Variants in PCLO observed in about 807,000 individuals in gnomAD.
PCLO encodes piccolo presynaptic cytomatrix protein.
A neutral mutation model predicts 427.5 loss-of-function variants in PCLO; 82 were observed. The observed-to-expected ratio is 0.19, with a 90% confidence interval of 0.16 to 0.23. PCLO has a LOEUF of 0.23. Among genes scored for constraint, PCLO ranks in the 10% least tolerant of loss-of-function variants. The pLI is 1.00. For missense variants in PCLO, 6,239 were observed against 6,115.9 expected (o/e 1.02, Z -0.67); for synonymous variants, 2,357 against 2,155.4 (o/e 1.09, Z -2.59).
At chr7:83,118,403 G>T (rs1348798171) in intron 3 of PCLO, among the ~76,000 whole-genome samples, 1 of 152,052 alleles carries the variant, frequency 6.6e-6, no homozygotes, top group African/African-American at 2.4e-5. Flanking sequence ...AGCAATAATA[G>T]TACCTGATTT....
chr7:83,112,787 A>G (rs551890646), intron 3 of PCLO, among the ~76,000 whole-genome samples: 1 of 152,354 alleles, frequency 6.6e-6, no homozygotes, highest in Admixed American at 6.5e-5. Context: ...AATTAGAAGC[A>G]GTGTTGACAT....
At position 83,105,290 on chromosome 7, in the gene PCLO, C is replaced by T. The variant is rs542766635; in HGVS notation, c.3300+28960G>A. ...CTGCACATTCTCAAATCAGAATATCCTCCATTTTCATGGCATTAGCCACAT... is the reference window on the plus strand; with the variant it reads ...CTGCACATTCTCAAATCAGAATATCTTCCATTTTCATGGCATTAGCCACAT... On this transcript the variant is annotated intron_variant, in intron 3 of 24. Transcript: ENST00000333891. Among the ~76,000 whole-genome samples, 9 of 152,286 alleles carry T rather than the reference C, an allele frequency of 5.9e-5. No individual in the cohort carries two copies. The South Asian group carries it at 1.7e-3, about 28-fold the overall frequency.
chr7:83,088,682 C>T (rs1343564504), intron 3 of PCLO, among the ~76,000 whole-genome samples: 1 of 152,078 alleles, frequency 6.6e-6, no homozygotes, highest in African/African-American at 2.4e-5. Context: ...TCTCTCTTAC[C>T]AGCAGTCTTT....
intron 22 of PCLO, among the ~76,000 whole-genome samples, chr7:82,775,530 A>G (rs1790731550): frequency 1.3e-5 from 2 of 152,240 alleles, no homozygotes; most frequent in South Asian, 4.1e-4. Context: ...CCATCTATAC[A>G]TTTTTGGTAA....
chr7:82,888,598 AAAC>A (rs1216087871), intron 9 of PCLO, among the ~76,000 whole-genome samples: 2 of 152,132 alleles, frequency 1.3e-5, no homozygotes, highest in Non-Finnish European at 2.9e-5. Context: ...GAAGCAAACA[AAAC>A]AAATCTTTTT....
intron 21 of PCLO, among the ~76,000 whole-genome samples, chr7:82,803,139 A>T (rs1791391762): frequency 6.6e-6 from 1 of 151,994 alleles, no homozygotes; most frequent in Non-Finnish European, 1.5e-5. Context: ...ACAAGTAGTT[A>T]AGAAAAAAAA....
At chr7:82,838,655 A>G (rs945761440) in intron 14 of PCLO, among the ~76,000 whole-genome samples, 2 of 151,958 alleles carry the variant, frequency 1.3e-5, no homozygotes, top group Non-Finnish European at 2.9e-5. Flanking sequence ...ACTCTTAGGA[A>G]AATAGTAAAT....
At chr7:82,794,392 T>A (rs574317199) in intron 22 of PCLO, among the ~76,000 whole-genome samples, 1 of 151,056 alleles carries the variant, frequency 6.6e-6, no homozygotes, top group Admixed American at 6.6e-5. Flanking sequence ...GTTTTTTTGT[T>A]GTTATTGCTA....
intron 3 of PCLO, among the ~76,000 whole-genome samples, chr7:83,097,935 T>G (rs1790637367): frequency 6.6e-6 from 1 of 152,168 alleles, no homozygotes; most frequent in Non-Finnish European, 1.5e-5. Flanking sequence ...TTTATGATTA[T>G]ATTTTTCATT....
Position 82,955,140 on chromosome 7 carries a change from T to C in PCLO, c.5813A>G (p.Asp1938Gly). Reference protein sequence around the residue: ...YKAFPAANERDEVFEKEPLYG... With the variant: ...YKAFPAANERGEVFEKEPLYG... The stretch of plus-strand genomic sequence containing the variant: ...CAAAGGCTCTTTTTCAAACACTTCA[T>C]CTCGTTCATTTGCAGCTGGAAAAGC... The change falls in exon 5 of 25, where the codon GAT (aspartate) becomes GGT (glycine). Residue 1938 changes from aspartate (D) to glycine (G), a missense_variant. Around this residue, in one of 5 missense-constraint regions of PCLO, gnomAD observed 4,677 missense variants for 4,468.4 expected, o/e 1.05. Transcript: ENST00000333891. 6 of 1,613,798 alleles carry C rather than the reference T, an allele frequency of 3.7e-6. No homozygotes were observed. The highest frequency in any genetic ancestry group is 5.1e-6 in the Non-Finnish European group (6 of 1,179,822).
intron 9 of PCLO, among the ~76,000 whole-genome samples, chr7:82,883,531 T>TA (rs562947616): frequency 2.7e-5 from 4 of 149,528 alleles, no homozygotes; most frequent in Non-Finnish European, 5.9e-5. Context: ...GGTCAGTATT[T>TA]AAAAAAAAAT....
rs138863699 is a variant in PCLO, at chr7:82,822,577, G to A, written c.14709C>T (p.Ser4903=). 46 of 1,613,856 alleles carry A rather than the reference G, an allele frequency of 2.9e-5. No individual in the cohort carries two copies. The highest frequency in any genetic ancestry group is 3.4e-5 in the Non-Finnish European group (40 of 1,179,838). The change falls in exon 20 of 25, where the codon AGC becomes AGT. Residue 4903 remains serine, a synonymous_variant. Transcript: ENST00000333891. The part of the protein sequence containing the change: ...HGPSRSQSKT[S]VTQTHLEDAG... ...CATCTTCCAGGTGGGTCTGAGTGAC[G>A]CTGGTTTTGCTTTGACTGCGAGATG... is the stretch of plus-strand genomic sequence containing the variant.
intron 13 of PCLO, 107 bp downstream of exon 13, chr7:82,845,164 G>T (rs753756133): frequency 8.2e-5 from 65 of 790,144 alleles, no homozygotes; most frequent in Non-Finnish European, 1.2e-4. Flanking sequence ...CTGGAAATGA[G>T]AAATCATAAG....
chr7:83,026,140 A>T (rs918537232), intron 3 of PCLO, among the ~76,000 whole-genome samples: 1 of 152,276 alleles, frequency 6.6e-6, no homozygotes, highest in South Asian at 2.1e-4. Flanking sequence ...AAATGCTCCA[A>T]TTAAAAGACA....
At position 82,951,205 on chromosome 7, in the gene PCLO, G is replaced by A. The variant is rs372002102; in HGVS notation, c.9383C>T (p.Thr3128Ile). 6.2e-7 allele frequency: 1 copy of A among 1,613,664 alleles called. No individual in the cohort carries two copies. The highest frequency in any genetic ancestry group is 8.5e-7 in the Non-Finnish European group (1 of 1,179,760). ...LSGIHTADAV[T>I]SLPAMHHSQP... ...GCTATGGTGCATGGCAGGTAATGAA[G>A]TCACTGCATCAGCCGTATGAATACC... Residue 3128 changes from threonine to isoleucine, a missense_variant, in exon 6 of 25, where the codon ACT (threonine) becomes ATT (isoleucine). Coordinates refer to ENST00000333891, the MANE Select transcript of PCLO (RefSeq NM_033026.6).
At chr7:83,021,825 A>G (rs979366295) in intron 3 of PCLO, among the ~76,000 whole-genome samples, 3 of 152,338 alleles carry the variant, frequency 2.0e-5, no homozygotes, top group South Asian at 2.1e-4. Context: ...TTACCACAAG[A>G]TAAGAAAGAG....
At chr7:82,849,180 G>T (rs1792583421) in intron 10 of PCLO, among the ~76,000 whole-genome samples, 1 of 152,066 alleles carries the variant, frequency 6.6e-6, no homozygotes, top group African/African-American at 2.4e-5. Flanking sequence ...GAATTTACCT[G>T]TTCATTCTTC....
At chr7:83,097,525 A>AAAAAT (rs1362073269) in intron 3 of PCLO, among the ~76,000 whole-genome samples, 1 of 145,500 alleles carries the variant, frequency 6.9e-6, no homozygotes, top group East Asian at 2.0e-4. Context: ...CAGTCTCAAA[A>AAAAAT]ATATATATAT....
At chr7:82,806,277 G>T (rs1791455754) in intron 20 of PCLO, among the ~76,000 whole-genome samples, 1 of 152,104 alleles carries the variant, frequency 6.6e-6, no homozygotes, top group Non-Finnish European at 1.5e-5. Context: ...ACTATAATCT[G>T]TTTTTCTCCT....
Sources: gnomAD v4.1 joint callset for allele counts (sites outside exome capture counted in the v4.1 genomes callset) on GRCh38, gnomAD v4.1.1 for gene constraint, gnomAD v4.1.1 regional missense constraint, MANE v1.5 for transcripts, NCBI Gene and HGNC (gene_info 2026-07-23, HGNC 2026-07-21) for gene names.